The following CNTN4 variants were observed in gnomAD, a reference collection of about 807,000 sequenced individuals.
CNTN4 encodes the protein contactin 4, also known as contactin-4.
Under a neutral mutation model 122.5 loss-of-function variants are expected in CNTN4, and 77 were observed. That is an observed-to-expected ratio of 0.63 (90% CI 0.52 to 0.76). CNTN4 has a LOEUF of 0.76. Among genes scored for constraint, CNTN4 ranks in the 30% least tolerant of loss-of-function variants. CNTN4 has a pLI of 0.00. For synonymous variants in CNTN4, 512 were observed against 447.0 expected (o/e 1.15, Z -1.83); for missense variants, 1,256 against 1,259.1 (o/e 1.00, Z 0.04).
intron 2 of CNTN4, among the ~76,000 whole-genome samples, chr3:2,266,696 C>A (rs1039621968): frequency 6.6e-6 from 1 of 152,178 alleles, no homozygotes; most frequent in African/African-American, 2.4e-5. Context: ...CAAACCAATT[C>A]ATTGGTAAGG....
At chr3:2,246,818 C>T (rs933269725) in intron 2 of CNTN4, among the ~76,000 whole-genome samples, 4 of 151,758 alleles carry the variant, frequency 2.6e-5, no homozygotes, top group Non-Finnish European at 5.9e-5. Context: ...GGGAAAAGTC[C>T]TCTCAGGGGG....
At chr3:2,537,620 A>T (rs1196889124) in intron 3 of CNTN4, among the ~76,000 whole-genome samples, 1 of 152,080 alleles carries the variant, frequency 6.6e-6, no homozygotes, top group South Asian at 2.1e-4. Context: ...GGAACTTGAC[A>T]TTTCATGACC....
intron 4 of CNTN4, among the ~76,000 whole-genome samples, chr3:2,649,623 G>A (rs1173143505): frequency 6.6e-6 from 1 of 152,150 alleles, no homozygotes; most frequent in Non-Finnish European, 1.5e-5. Flanking sequence ...AGCTCTGATG[G>A]AGATATATTA....
chr3:2,385,381 G>A lies in CNTN4; in HGVS notation c.-89+46148G>A, dbSNP rs142710169. 1.3e-3 allele frequency among the ~76,000 whole-genome samples: 193 copies of A among 152,132 alleles called. 2 individuals carry two copies. The highest frequency in any genetic ancestry group is 4.4e-3 in the African/African-American group (184 of 41,542). Reference sequence around the variant, plus strand: ...ATAACCTATTAGCATACTTAAGGCAGAGTCTTTGTCCTTTTCTCCACTATT... The same window carrying A: ...ATAACCTATTAGCATACTTAAGGCAAAGTCTTTGTCCTTTTCTCCACTATT... On this transcript the variant is annotated intron_variant, in intron 3 of 24. Coordinates refer to ENST00000418658, the MANE Select transcript of CNTN4 (RefSeq NM_175607.3). The surrounding 1 kb of genome is among the most constrained non-coding windows in gnomAD (Gnocchi z 4.0).
At chr3:2,388,352 C>T (rs915320198) in intron 3 of CNTN4, among the ~76,000 whole-genome samples, 16 of 152,104 alleles carry the variant, frequency 1.1e-4, no homozygotes, top group African/African-American at 3.9e-4. Flanking sequence ...AATGCATTGC[C>T]ATTCTCAGTG....
At chr3:2,905,105 C>G (rs1464639536) in intron 12 of CNTN4, among the ~76,000 whole-genome samples, 1 of 152,108 alleles carries the variant, frequency 6.6e-6, no homozygotes, top group Non-Finnish European at 1.5e-5. Flanking sequence ...TACTAGGATT[C>G]AAGGCCTGTT....
chr3:2,586,491 C>T (rs910312808), intron 4 of CNTN4, among the ~76,000 whole-genome samples: 2 of 152,146 alleles, frequency 1.3e-5, no homozygotes, highest in Non-Finnish European at 2.9e-5. Context: ...TGGGATTTCA[C>T]CATGTTGGCC....
intron 13 of CNTN4, among the ~76,000 whole-genome samples, chr3:2,935,047 T>C (rs1438531165): frequency 6.6e-6 from 1 of 152,052 alleles, no homozygotes; most frequent in Admixed American, 6.5e-5. Flanking sequence ...ATTGGTGTTT[T>C]AAAAATGTTT....
chr3:2,457,480 TA>T (rs2049045064), intron 3 of CNTN4, among the ~76,000 whole-genome samples: 1 of 152,042 alleles, frequency 6.6e-6, no homozygotes, highest in Non-Finnish European at 1.5e-5. Flanking sequence ...ATCCAAACAG[TA>T]AAGAAATATG....
chr3:2,299,570 T>C (rs895118092), intron 2 of CNTN4, among the ~76,000 whole-genome samples: 16 of 152,196 alleles, frequency 1.1e-4, no homozygotes, highest in Non-Finnish European at 2.9e-5. Flanking sequence ...ATTATTTTTA[T>C]GCCATAATCT....
In CNTN4 at chr3:2,237,178, G is replaced by A. The variant is rs191172092; in HGVS notation, c.-144-102000G>A. Among the ~76,000 whole-genome samples the A allele has an allele frequency of 6.5e-3, 995 of 152,282 alleles. 6 individuals are homozygous for A. The highest frequency in any genetic ancestry group is 0.011 in the Non-Finnish European group (727 of 68,018). ...CTAGCTACTAAAGTTTGTGGAGTCA[G>A]TAGTGGTAGGTTGTGGGGAGGTGGT... On this transcript the variant is annotated intron_variant, in intron 2 of 24. Transcript: ENST00000418658.
intron 6 of CNTN4, among the ~76,000 whole-genome samples, chr3:2,781,019 G>A (rs2091546590): frequency 6.6e-6 from 1 of 152,002 alleles, no homozygotes; most frequent in South Asian, 2.1e-4. Context: ...AATCAACTAT[G>A]GTCCTGCCAA....
At chr3:2,225,660 A>G (rs1153527) in intron 2 of CNTN4, among the ~76,000 whole-genome samples, 91,872 of 152,088 alleles carry the variant, frequency 0.6, 28,468 homozygotes, top group African/African-American at 0.67. Flanking sequence ...CAAGCACTCC[A>G]TTTAAAGTCA....
At chr3:2,939,376 T>G (rs904583661) in intron 13 of CNTN4, among the ~76,000 whole-genome samples, 29 of 152,064 alleles carry the variant, frequency 1.9e-4, no homozygotes, top group Admixed American at 3.3e-4. Context: ...TGGGTGTGTG[T>G]GGGGGGGTAT....
At chr3:2,257,736 C>A (rs908787611) in intron 2 of CNTN4, among the ~76,000 whole-genome samples, 2 of 152,068 alleles carry the variant, frequency 1.3e-5, no homozygotes, top group Non-Finnish European at 2.9e-5. Context: ...AATGAGATAC[C>A]ATCTCTCATC....
At chr3:2,920,738 T>C (rs1426985612) in intron 12 of CNTN4, among the ~76,000 whole-genome samples, 1 of 152,160 alleles carries the variant, frequency 6.6e-6, no homozygotes, top group African/African-American at 2.4e-5. Flanking sequence ...TGCTAAGTAC[T>C]TTATGTTCAA....
At chr3:2,867,670 G>T (rs770007038) in intron 8 of CNTN4, among the ~76,000 whole-genome samples, 8 of 151,646 alleles carry the variant, frequency 5.3e-5, no homozygotes, top group Non-Finnish European at 1.0e-4. Flanking sequence ...ACTGATACTG[G>T]TTCTTCCAGT....
chr3:2,739,870 A>G (rs2089356783), intron 5 of CNTN4, among the ~76,000 whole-genome samples: 2 of 152,324 alleles, frequency 1.3e-5, no homozygotes, highest in South Asian at 2.1e-4. Context: ...CAAGGTCTGG[A>G]CAGAGTTTTC....
intron 2 of CNTN4, among the ~76,000 whole-genome samples, chr3:2,108,553 A>G (rs1038492145): frequency 6.6e-6 from 1 of 152,184 alleles, no homozygotes; most frequent in African/African-American, 2.4e-5. Flanking sequence ...ATGGAATTTC[A>G]TTGAGACAGT....
Sources: gnomAD v4.1 joint callset for allele counts (sites outside exome capture counted in the v4.1 genomes callset) on GRCh38, gnomAD v4.1.1 for gene constraint, Gnocchi (gnomAD v3.1) non-coding constraint, MANE v1.5 for transcripts, NCBI Gene and HGNC (gene_info 2026-07-23, HGNC 2026-07-21) for gene names.